NBAS: variants seen among roughly 807,000 people sequenced by gnomAD.
NBAS encodes NAG/BC035112 fusion.
In NBAS, 219 loss-of-function variants were observed where a neutral mutation model predicts 302.5. The observed-to-expected ratio is 0.72, with a 90% CI of 0.65 to 0.81. NBAS has a LOEUF of 0.81. NBAS is among the 30% of genes least tolerant of loss of function. The pLI is 0.00. For missense variants in NBAS, 2,932 were observed against 2,841.6 expected, an observed-to-expected ratio of 1.03 and a Z score of -0.72; for synonymous variants, 1,118 against 1,021.6, an observed-to-expected ratio of 1.09 and a Z score of -1.80.
chr2:15,269,354 T>C (rs914490787), intron 44 of NBAS, among the ~76,000 whole-genome samples: 3 of 152,200 alleles, frequency 2.0e-5, no homozygotes, highest in Non-Finnish European at 4.4e-5. Flanking sequence ...ATTTTTATTT[T>C]ATTGATTGAT....
At chr2:15,157,677 G>A in the NBAS span, among the ~76,000 whole-genome samples, 1 of 152,146 alleles carries the variant, frequency 6.6e-6, no homozygotes, top group Non-Finnish European at 1.5e-5. Flanking sequence ...AGAGAGAAGA[G>A]GTGGTCTTGA....
intron 21 of NBAS, among the ~76,000 whole-genome samples, chr2:15,452,192 C>T (rs577732933): frequency 6.6e-6 from 1 of 152,216 alleles, no homozygotes; most frequent in African/African-American, 2.4e-5. Context: ...TGCATAGCAA[C>T]GTGAATGTAC....
At chr2:14,840,216 C>T in the NBAS span, among the ~76,000 whole-genome samples, 1 of 151,642 alleles carries the variant, frequency 6.6e-6, no homozygotes, top group Non-Finnish European at 1.5e-5. Flanking sequence ...CAAAGATACA[C>T]TATTTACAAA....
the NBAS span, among the ~76,000 whole-genome samples, chr2:14,993,570 TA>T: frequency 6.6e-6 from 1 of 152,238 alleles, no homozygotes; most frequent in African/African-American, 2.4e-5. Context: ...TTGGTCCAAA[TA>T]ATTTTGAATC....
the NBAS span, among the ~76,000 whole-genome samples, chr2:15,086,629 G>A: frequency 3.3e-5 from 5 of 152,050 alleles, no homozygotes; most frequent in African/African-American, 9.7e-5. Context: ...CCAAGCTTCC[G>A]GTGCCACCAC....
chr2:15,552,702 G>A (rs1181994667), intron 5 of NBAS, among the ~76,000 whole-genome samples: 1 of 152,036 alleles, frequency 6.6e-6, no homozygotes, highest in African/African-American at 2.4e-5. Context: ...AGGACAGACA[G>A]CATAATTGGT....
chr2:15,329,848 G>A (rs1352125096), intron 36 of NBAS, among the ~76,000 whole-genome samples: 1 of 152,080 alleles, frequency 6.6e-6, no homozygotes, highest in Non-Finnish European at 1.5e-5. Context: ...TCCCTCCTCA[G>A]TATTTACCCA....
the NBAS span, among the ~76,000 whole-genome samples, chr2:14,912,703 TAAAAAAA>T: frequency 3.1e-4 from 24 of 78,580 alleles, no homozygotes; most frequent in South Asian, 2.3e-3. Flanking sequence ...CATTCATTTT[TAAAAAAA>T]AAAAAAAAAA....
chr2:14,983,393 G>A, the NBAS span, among the ~76,000 whole-genome samples: 302 of 152,246 alleles, frequency 2.0e-3, no homozygotes, highest in African/African-American at 5.9e-3. Context: ...TCATATTCTC[G>A]ACTGAGTGTA....
At chr2:15,540,706 C>T (rs576796797) in intron 6 of NBAS, among the ~76,000 whole-genome samples, 4 of 140,990 alleles carry the variant, frequency 2.8e-5, no homozygotes, top group African/African-American at 5.3e-5. Flanking sequence ...CAAATATATG[C>T]CTTTTGTTTT....
In NBAS at chr2:15,511,293, G is replaced by T. The variant is rs1175098077; in HGVS notation, c.804C>A (p.Ser268Arg). The change falls in exon 10 of 52, where the codon AGC becomes AGA. Residue 268 changes from serine (S) to arginine (R), a missense_variant. By Grantham distance (110) the Ser-to-Arg change is moderately radical. Transcript: ENST00000281513. The part of the protein sequence containing the change: ...TAEVGMSKAS[S>R]CGLSAWRVLS... Reference sequence around the variant, plus strand: ...GAACTCTCCAGGCAGAAAGGCCACAGCTAGAAGCTTTTGACATGCCTACTT... The same window carrying T: ...GAACTCTCCAGGCAGAAAGGCCACATCTAGAAGCTTTTGACATGCCTACTT... 2 of 1,613,918 alleles carry T rather than the reference G, an allele frequency of 1.2e-6. No individual in the cohort carries two copies. The highest frequency in any genetic ancestry group is 1.7e-6 in the Non-Finnish European group (2 of 1,179,954).
intron 44 of NBAS, among the ~76,000 whole-genome samples, chr2:15,249,986 A>G (rs1437291622): frequency 6.6e-6 from 1 of 152,220 alleles, no homozygotes. Context: ...TGGAACCAAA[A>G]AAGAGCCCAC....
intron 35 of NBAS, among the ~76,000 whole-genome samples, chr2:15,337,623 T>G (rs994453025): frequency 1.3e-5 from 2 of 152,160 alleles, no homozygotes; most frequent in Non-Finnish European, 2.9e-5. Flanking sequence ...TTTCAGAAGA[T>G]AAATGAAATT....
the NBAS span, among the ~76,000 whole-genome samples, chr2:15,025,573 T>C: frequency 6.6e-6 from 1 of 152,228 alleles, no homozygotes; most frequent in African/African-American, 2.4e-5. Context: ...ATTTTAACTA[T>C]ATTGATTCTT....
chr2:15,075,837 G>A, the NBAS span, among the ~76,000 whole-genome samples: 1 of 152,040 alleles, frequency 6.6e-6, no homozygotes, highest in African/African-American at 2.4e-5. Flanking sequence ...TCCTTACATA[G>A]TCCTTGCCTC....
chr2:15,436,543 G>A (rs906972492), intron 21 of NBAS, among the ~76,000 whole-genome samples: 2 of 152,070 alleles, frequency 1.3e-5, no homozygotes, highest in Non-Finnish European at 2.9e-5. Flanking sequence ...TATTCAAAAA[G>A]AAAAACTAAA....
intron 21 of NBAS, among the ~76,000 whole-genome samples, chr2:15,443,728 C>A (rs9678257): frequency 1.4e-5 from 2 of 145,666 alleles, no homozygotes; most frequent in Non-Finnish European, 3.1e-5. Context: ...TGTTTGCAGA[C>A]GACATGATTG....
chr2:15,050,595 A>C, the NBAS span, among the ~76,000 whole-genome samples: 2 of 152,344 alleles, frequency 1.3e-5, no homozygotes, highest in South Asian at 4.1e-4. Context: ...ATACCACAGC[A>C]GACAGTGATG....
At chr2:15,549,843 A>C (rs1000423064) in intron 6 of NBAS, among the ~76,000 whole-genome samples, 1 of 152,010 alleles carries the variant, frequency 6.6e-6, no homozygotes, top group Non-Finnish European at 1.5e-5. Context: ...GTACAAGTAC[A>C]GTCATTATCT....
Sources: allele counts gnomAD v4.1 joint callset (sites outside exome capture counted in the v4.1 genomes callset), GRCh38; gene constraint gnomAD v4.1.1; transcripts MANE v1.5; gene names NCBI Gene and HGNC (gene_info 2026-07-23, HGNC 2026-07-21).